SLC35F3: variants seen among roughly 807,000 people sequenced by gnomAD.
SLC35F3 encodes the protein putative thiamine transporter SLC35F3.
Under a neutral mutation model 49.9 loss-of-function variants are expected in SLC35F3, and 25 were observed. The ratio of observed to expected loss-of-function variants is 0.50; its 90% CI spans 0.37 to 0.70. The LOEUF (loss-of-function observed/expected upper bound fraction) is 0.70. Among genes scored for constraint, SLC35F3 ranks in the 30% least tolerant of loss-of-function variants. SLC35F3 has a pLI of 0.00. For missense variants in SLC35F3, 525 were observed against 639.8 expected (o/e 0.82, Z 1.94); for synonymous variants, 275 against 265.4 (o/e 1.04, Z -0.35).
chr1:233,987,526 A>ATTTTTTTT (rs1663286101), intron 2 of SLC35F3, among the ~76,000 whole-genome samples: 1 of 142,446 alleles, frequency 7.0e-6, no homozygotes, highest in African/African-American at 3.0e-5. Flanking sequence ...ATTTTGATCT[A>ATTTTTTTT]TCTTTTCTCT....
At chr1:234,023,107 G>T (rs1437688081) in intron 2 of SLC35F3, among the ~76,000 whole-genome samples, 1 of 152,192 alleles carries the variant, frequency 6.6e-6, no homozygotes, top group Non-Finnish European at 1.5e-5. Flanking sequence ...CAGTATGGGA[G>T]AGGGATGGAG....
intron 2 of SLC35F3, among the ~76,000 whole-genome samples, chr1:233,951,524 T>A (rs1386233800): frequency 6.6e-6 from 1 of 152,132 alleles, no homozygotes; most frequent in Non-Finnish European, 1.5e-5. Flanking sequence ...GATGCATAAA[T>A]ACTTTTGTGC....
intron 2 of SLC35F3, among the ~76,000 whole-genome samples, chr1:233,987,550 G>A (rs1439451023): frequency 2.1e-5 from 3 of 146,280 alleles, no homozygotes; most frequent in African/African-American, 5.5e-5. Flanking sequence ...GAAGCTTTTA[G>A]TATATTGATT....
At chr1:234,170,920 C>A (rs1442805738) in intron 2 of SLC35F3, among the ~76,000 whole-genome samples, 1 of 152,196 alleles carries the variant, frequency 6.6e-6, no homozygotes, top group Non-Finnish European at 1.5e-5. Flanking sequence ...TTGGGTGAAG[C>A]CAAGAGCACA....
chr1:234,134,495 A>G (rs1665782235), intron 2 of SLC35F3, among the ~76,000 whole-genome samples: 1 of 148,882 alleles, frequency 6.7e-6, no homozygotes, highest in African/African-American at 2.4e-5. Context: ...TTATATTTGT[A>G]TATTATATAT....
rs9435555 is a variant in SLC35F3 at position 234,068,886 on chromosome 1, T to A, written c.284-162531T>A. Among the ~76,000 whole-genome samples, 982 of 128,906 alleles carry A rather than the reference T, an allele frequency of 7.6e-3. 65 individuals carry two copies. Among genetic ancestry groups the A allele is most frequent in the African/African-American group, 0.029 (942 of 32,034 alleles). 84.6% of individuals were successfully genotyped at this position (128,906 alleles called of 152,430 possible). On this transcript the variant is annotated intron_variant, in intron 2 of 7. Transcript: ENST00000366618. ...TATTTATATATATTTTACATATTTT[T>A]TATATTTATATATTATATATATTTT...
intron 2 of SLC35F3, among the ~76,000 whole-genome samples, chr1:234,230,281 A>C (rs547637319): frequency 4.6e-4 from 70 of 152,356 alleles, no homozygotes; most frequent in African/African-American, 1.6e-3. Flanking sequence ...TTTGCCTCAT[A>C]GACTCATAAT....
At chr1:234,180,426 G>A (rs1003507663) in intron 2 of SLC35F3, among the ~76,000 whole-genome samples, 2 of 152,170 alleles carry the variant, frequency 1.3e-5, no homozygotes, top group Admixed American at 1.3e-4. Flanking sequence ...ACTTCTGCAT[G>A]GTGAATGCAG....
At chr1:234,009,586 A>G (rs997209973) in intron 2 of SLC35F3, among the ~76,000 whole-genome samples, 1 of 152,190 alleles carries the variant, frequency 6.6e-6, no homozygotes, top group African/African-American at 2.4e-5. Flanking sequence ...CACCCTACTC[A>G]GCTTTGCTGC....
rs551429875 is a variant in SLC35F3 at position 234,113,026 on chromosome 1, G to C, written c.284-118391G>C. Among the ~76,000 whole-genome samples, 3 of 151,834 alleles carry C rather than the reference G, an allele frequency of 2.0e-5. No individual in the cohort carries two copies. The South Asian group carries it at 6.3e-4, about 32-fold the overall frequency. ...TTGAGACCAATGAGCCCAGGAGTTC[G>C]AGACCAGCCTGGGCAAAAGAGCAAA... On this transcript the variant is annotated intron_variant, in intron 2 of 7. Coordinates refer to ENST00000366618, the MANE Select transcript of SLC35F3 (RefSeq NM_173508.4).
At chr1:233,961,517 C>T (rs904470414) in intron 2 of SLC35F3, among the ~76,000 whole-genome samples, 20 of 140,680 alleles carry the variant, frequency 1.4e-4, no homozygotes, top group African/African-American at 5.1e-4. Flanking sequence ...AGGGCTATGG[C>T]GTGATCTCGG....
At chr1:233,936,123 G>A (rs192855131) in intron 2 of SLC35F3, among the ~76,000 whole-genome samples, 10 of 152,292 alleles carry the variant, frequency 6.6e-5, no homozygotes, top group Admixed American at 5.9e-4. Flanking sequence ...TGTTTTTGGT[G>A]CTGGTAAAAA....
At chr1:234,066,774 CCTCT>C (rs147597348) in intron 2 of SLC35F3, among the ~76,000 whole-genome samples, 9,540 of 142,754 alleles carry the variant, frequency 0.067, 459 homozygotes, top group Non-Finnish European at 0.093. Flanking sequence ...TCTTTCCTTC[CCTCT>C]CTCTCTCTCT....
rs775415508 is a variant in SLC35F3, at chr1:234,275,975, C to A, written c.609-33126C>A. Among the ~76,000 whole-genome samples, 6 of 152,092 alleles carry A rather than the reference C, an allele frequency of 3.9e-5. 1 individual carries two copies. In the Middle Eastern group the frequency reaches 0.017, roughly 431 times the overall value. On this transcript the variant is annotated intron_variant, in intron 3 of 7. Transcript: ENST00000366618. ...AGCAGCTTTCATCCTTTGCGCAACA[C>A]AACACAGCTATGAAATGAAAGAGTC...
chr1:234,206,224 T>TGGAGC (rs1375442707), intron 2 of SLC35F3, among the ~76,000 whole-genome samples: 2 of 151,728 alleles, frequency 1.3e-5, no homozygotes, highest in East Asian at 3.9e-4. Context: ...ATATGATGAG[T>TGGAGC]GGAGCAGCAG....
intron 2 of SLC35F3, among the ~76,000 whole-genome samples, chr1:234,082,954 A>G (rs1664903242): frequency 6.6e-6 from 1 of 152,160 alleles, no homozygotes; most frequent in Non-Finnish European, 1.5e-5. Flanking sequence ...CCATATCACA[A>G]TCCCACTTAA....
chr1:233,972,602 G>C (rs1001788362), intron 2 of SLC35F3, among the ~76,000 whole-genome samples: 1 of 152,120 alleles, frequency 6.6e-6, no homozygotes, highest in Non-Finnish European at 1.5e-5. Flanking sequence ...CAGCATTTAG[G>C]ATAGAGCCTG....
At chr1:234,001,188 A>G (rs1460195593) in intron 2 of SLC35F3, among the ~76,000 whole-genome samples, 1 of 152,196 alleles carries the variant, frequency 6.6e-6, no homozygotes, top group Non-Finnish European at 1.5e-5. Context: ...GTGGACCTCA[A>G]AGTGTTCACA....
At chr1:234,295,859 T>G (rs1027016431) in intron 3 of SLC35F3, among the ~76,000 whole-genome samples, 2 of 152,220 alleles carry the variant, frequency 1.3e-5, no homozygotes, top group African/African-American at 2.4e-5. Flanking sequence ...GATCTGGTGT[T>G]GCTCCACTGT....
Sources: allele counts gnomAD v4.1 joint callset (sites outside exome capture counted in the v4.1 genomes callset), GRCh38; gene constraint gnomAD v4.1.1; transcripts MANE v1.5; gene names NCBI Gene and HGNC (gene_info 2026-07-23, HGNC 2026-07-21).